The following ZBTB7C variants were observed in gnomAD, a reference collection of about 807,000 sequenced individuals.
The protein encoded by ZBTB7C is zinc finger and BTB domain containing 7C, also known as zinc finger and BTB domain-containing protein 7C.
A neutral mutation model predicts 25.7 loss-of-function variants in ZBTB7C; 8 were observed. The observed-to-expected ratio is 0.31, with a 90% CI of 0.18 to 0.56. The LOEUF (loss-of-function observed/expected upper bound fraction) is 0.56, where lower values mean the gene tolerates loss of function less well. ZBTB7C is among the 20% of genes least tolerant of loss of function. The pLI, the probability that ZBTB7C is intolerant of heterozygous loss-of-function variation, is 0.91. For missense variants in ZBTB7C, 824 were observed against 855.2 expected (o/e 0.96, Z 0.46); for synonymous variants, 394 against 369.0 (o/e 1.07, Z -0.78).
intron 3 of ZBTB7C, among the ~76,000 whole-genome samples, chr18:48,164,797 G>C (rs1031780127): frequency 6.6e-6 from 1 of 152,048 alleles, no homozygotes; most frequent in Non-Finnish European, 1.5e-5. Context: ...CAGACATTAA[G>C]CACCTACTGT....
At chr18:48,180,329 C>A (rs79923012) in intron 3 of ZBTB7C, 1 of 456,598 alleles carries the variant, frequency 2.2e-6, no homozygotes, top group Admixed American at 2.3e-5. Flanking sequence ...CCCCAGCACA[C>A]CTGTTCATAT....
At chr18:48,362,773 C>A (rs1276400001) in intron 1 of ZBTB7C, among the ~76,000 whole-genome samples, 1 of 152,124 alleles carries the variant, frequency 6.6e-6, no homozygotes, top group Non-Finnish European at 1.5e-5. Context: ...CCTTTTGGCT[C>A]GAAGAAGGTA....
At chr18:48,341,093 G>A (rs766707141) in intron 1 of ZBTB7C, among the ~76,000 whole-genome samples, 1 of 152,180 alleles carries the variant, frequency 6.6e-6, no homozygotes, top group Non-Finnish European at 1.5e-5. Flanking sequence ...CTTTGGAGCT[G>A]GAACTGAGTT....
chr18:48,269,751 G>T (rs994065366), intron 2 of ZBTB7C, among the ~76,000 whole-genome samples: 12 of 152,194 alleles, frequency 7.9e-5, no homozygotes, highest in African/African-American at 2.9e-4. Flanking sequence ...AGGGGAGGAA[G>T]CCCACAGCTC....
intron 3 of ZBTB7C, among the ~76,000 whole-genome samples, chr18:48,103,097 A>C (rs990024419): frequency 2.3e-4 from 17 of 72,804 alleles, no homozygotes; most frequent in Non-Finnish European, 4.1e-4. Flanking sequence ...TCTTATATAT[A>C]TTATATATTT....
At chr18:48,412,100 C>T (rs1337588527), upstream of ZBTB7C, among the ~76,000 whole-genome samples, 1 of 152,168 alleles carries the variant, frequency 6.6e-6, no homozygotes, top group Non-Finnish European at 1.5e-5. Context: ...CTTTCTACTC[C>T]ATAGAGATGC....
At chr18:48,381,233 G>A (rs1183862257) in intron 1 of ZBTB7C, among the ~76,000 whole-genome samples, 1 of 152,190 alleles carries the variant, frequency 6.6e-6, no homozygotes, top group African/African-American at 2.4e-5. Context: ...TGAAACAGAA[G>A]ATCCAACACA....
At chr18:48,390,143 A>G (rs2047865266) in intron 1 of ZBTB7C, among the ~76,000 whole-genome samples, 1 of 152,234 alleles carries the variant, frequency 6.6e-6, no homozygotes, top group African/African-American at 2.4e-5. Context: ...AATTATTTTT[A>G]TCTAACCACA....
intron 2 of ZBTB7C, among the ~76,000 whole-genome samples, chr18:48,335,496 G>A (rs1240065159): frequency 1.3e-5 from 2 of 152,144 alleles, no homozygotes; most frequent in Middle Eastern, 3.2e-3. Flanking sequence ...TGGTTCCAGA[G>A]AACATAAGTC....
chr18:48,398,245 ACAGC>A (rs1189438919), intron 1 of ZBTB7C, among the ~76,000 whole-genome samples: 5 of 152,260 alleles, frequency 3.3e-5, no homozygotes, highest in African/African-American at 1.2e-4. Context: ...AGCAAGGATG[ACAGC>A]CCCCTCTGTC....
chr18:48,227,480 C>T (rs928773072), intron 2 of ZBTB7C, among the ~76,000 whole-genome samples: 12 of 152,348 alleles, frequency 7.9e-5, no homozygotes, highest in Middle Eastern at 3.4e-3. Context: ...GAACGGCCTC[C>T]GCCCAACACT....
intron 2 of ZBTB7C, among the ~76,000 whole-genome samples, chr18:48,302,438 A>T (rs916078329): frequency 1.3e-4 from 20 of 151,716 alleles, no homozygotes; most frequent in Admixed American, 2.0e-4. Context: ...TCTATATATA[A>T]TTTTTTTTCT....
intron 2 of ZBTB7C, among the ~76,000 whole-genome samples, chr18:48,250,657 A>T (rs1353922873): frequency 6.6e-6 from 1 of 152,188 alleles, no homozygotes; most frequent in East Asian, 1.9e-4. Flanking sequence ...AGAAATTAGC[A>T]TTGATAAAAT....
At chr18:48,260,856 G>A (rs1273137583) in intron 2 of ZBTB7C, among the ~76,000 whole-genome samples, 4 of 152,196 alleles carry the variant, frequency 2.6e-5, no homozygotes, top group Admixed American at 6.5e-5. Context: ...TCTACTCTGA[G>A]CATCTTGCCT....
chr18:48,196,772 C>T (rs1053372020), intron 2 of ZBTB7C, among the ~76,000 whole-genome samples: 1 of 152,274 alleles, frequency 6.6e-6, no homozygotes, highest in African/African-American at 2.4e-5. Flanking sequence ...ATGAACCACC[C>T]AACCGACCAA....
intron 1 of ZBTB7C, among the ~76,000 whole-genome samples, chr18:48,384,495 TG>T (rs1032849053): frequency 5.9e-5 from 9 of 152,098 alleles, no homozygotes; most frequent in African/African-American, 2.2e-4. Context: ...GACTGAAGGG[TG>T]TGGTTAGAAA....
intron 1 of ZBTB7C, among the ~76,000 whole-genome samples, chr18:48,367,552 C>G (rs1375420765): frequency 6.6e-6 from 1 of 151,460 alleles, no homozygotes; most frequent in Non-Finnish European, 1.5e-5. Context: ...CAAGAAAAGC[C>G]TAACAAAAGC....
intron 2 of ZBTB7C, among the ~76,000 whole-genome samples, chr18:48,298,568 C>T (rs1234465658): frequency 1.3e-5 from 2 of 152,188 alleles, no homozygotes; most frequent in Non-Finnish European, 2.9e-5. Flanking sequence ...TGTTGATGGC[C>T]CAGACCAATG....
chr18:48,099,106 C>CTATTA (rs1392528281), intron 3 of ZBTB7C, among the ~76,000 whole-genome samples: 23 of 152,238 alleles, frequency 1.5e-4, no homozygotes, highest in Non-Finnish European at 3.2e-4. Flanking sequence ...AAGTATTACA[C>CTATTA]TATTACTGCC....
Sources: allele counts gnomAD v4.1 joint callset (sites outside exome capture counted in the v4.1 genomes callset), GRCh38; gene constraint gnomAD v4.1.1; transcripts MANE v1.5; gene names NCBI Gene and HGNC (gene_info 2026-07-23, HGNC 2026-07-21).